The following CENPE variants were observed in gnomAD, a reference collection of about 807,000 sequenced individuals.
CENPE encodes the protein centromere-associated protein E.
Under a neutral mutation model 336.1 loss-of-function variants are expected in CENPE, and 145 were observed. The observed-to-expected ratio is 0.43, with a 90% confidence interval of 0.38 to 0.50. CENPE has a LOEUF of 0.50. Among genes scored for constraint, CENPE ranks in the 20% least tolerant of loss-of-function variants. CENPE has a pLI of 0.00. For missense variants in CENPE, 2,719 were observed against 3,023.3 expected, an observed-to-expected ratio of 0.90 and a Z score of 2.36; for synonymous variants, 1,013 against 984.8, an observed-to-expected ratio of 1.03 and a Z score of -0.54.
At chr4:103,135,548 C>T (rs1362194793) in intron 40 of CENPE, among the ~76,000 whole-genome samples, 2 of 151,996 alleles carry the variant, frequency 1.3e-5, no homozygotes, top group Non-Finnish European at 2.9e-5. Context: ...CTCGTTTGTC[C>T]TCTCCAGCCC....
At chr4:103,121,169 T>G (rs1442682439) in intron 43 of CENPE, among the ~76,000 whole-genome samples, 3 of 152,232 alleles carry the variant, frequency 2.0e-5, no homozygotes. Context: ...AGGTGTATCC[T>G]TCCAGAAATT....
rs1339175315 is a variant in CENPE at position 103,144,608 on chromosome 4, G to A, written c.4868C>T (p.Ser1623Phe). ...AAGAAACTGATATTCTTTTTCTTGA[G>A]ATTCTTTCATCTGAGAAAATTATAA... The part of the protein sequence containing the change: ...TKEIVAKMKE[S>F]QEKEYQFLKM... The change falls in exon 33 of 49, where the codon TCT becomes TTT. Residue 1623 changes from serine to phenylalanine, a missense_variant. This residue lies in a region of CENPE where 2,437 missense variants were observed against 2,513.3 expected (regional missense o/e 0.97). Coordinates refer to ENST00000265148, the MANE Select transcript of CENPE (RefSeq NM_001813.3). 6.2e-7 allele frequency: 1 copy of A among 1,601,716 alleles called. No individual in the cohort carries two copies. The highest frequency in any genetic ancestry group is 2.2e-5 in the East Asian group (1 of 44,790).
chr4:103,120,322 C>T lies in CENPE; in HGVS notation c.7155G>A (p.Glu2385=), dbSNP rs754847768. ...TAGCTTCATGCAGTGAATTTTCCAG[C>T]TCTCGAATTTTCTATTAGAAAAAGC... The part of the protein sequence containing the change: ...ATQLTTEKIR[E]LENSLHEAKE... The change falls in exon 44 of 49, where the codon GAG becomes GAA. Residue 2385 remains glutamate, a synonymous_variant. Transcript: ENST00000265148. 6.2e-7 allele frequency: 1 copy of T among 1,606,116 alleles called. No homozygotes were observed. Among genetic ancestry groups the T allele is most frequent in the African/African-American group, 1.3e-5 (1 of 74,388 alleles).
intron 48 of CENPE, 49 bp downstream of exon 48, chr4:103,108,754 G>T (rs1420790941): frequency 6.5e-7 from 1 of 1,534,222 alleles, no homozygotes; most frequent in Admixed American, 1.9e-5. Context: ...TTAATGATAA[G>T]TTCCAACTGT....
chr4:103,163,451 C>A (rs769680798), intron 17 of CENPE, 28 bp downstream of exon 17: 4 of 1,474,572 alleles, frequency 2.7e-6, no homozygotes, highest in Non-Finnish European at 1.9e-6. Context: ...AATTGCTTAT[C>A]AATAGAAATA....
intron 46 of CENPE, among the ~76,000 whole-genome samples, chr4:103,113,574 T>C (rs967898576): frequency 1.2e-4 from 17 of 142,400 alleles, no homozygotes; most frequent in African/African-American, 3.8e-4. Context: ...GTAATATATA[T>C]TTTATATTAC....
intron 29 of CENPE, 34 bp from the exon 30 acceptor site, chr4:103,146,141 C>G (rs1192818536): frequency 1.9e-6 from 3 of 1,579,730 alleles, no homozygotes; most frequent in Non-Finnish European, 2.6e-6. Context: ...CAGTTGATAT[C>G]CAGAGATATT....
intron 45 of CENPE, 141 bp from the exon 46 acceptor site, chr4:103,114,693 C>G: frequency 1.6e-6 from 1 of 619,256 alleles, no homozygotes. Context: ...CCTCGTGATA[C>G]CTCTCTGGTG....
In CENPE at chr4:103,139,815, C is replaced by T. The variant is rs1173439068; in HGVS notation, c.6178G>A (p.Ala2060Thr). The change falls in exon 38 of 49, where the codon GCA becomes ACA. Residue 2060 changes from alanine (A) to threonine (T), a missense_variant. Ala to Thr is a moderately conservative substitution (Grantham distance 58). Coordinates refer to ENST00000265148, the MANE Select transcript of CENPE (RefSeq NM_001813.3). ...SLKMERDQFI[A>T]TLREMIARDR... ...CTAGCTATCATTTCCCTTAAGGTTG[C>T]TATGAATTGGTCCCTTTCCATTTTG... is the stretch of plus-strand genomic sequence containing the variant. 1.2e-6 allele frequency: 2 copies of T among 1,610,690 alleles called. No homozygotes were observed. Among genetic ancestry groups the T allele is most frequent in the South Asian group, 2.2e-5 (2 of 90,312 alleles).
chr4:103,138,909 A>T (rs1265198921), intron 38 of CENPE, among the ~76,000 whole-genome samples: 1 of 152,104 alleles, frequency 6.6e-6, no homozygotes, highest in Non-Finnish European at 1.5e-5. Flanking sequence ...TCTGATTCCT[A>T]CTCTTCCAAA....
chr4:103,136,069 T>C, intron 40 of CENPE, 72 bp downstream of exon 40: 1 of 1,277,270 alleles, frequency 7.8e-7, no homozygotes, highest in African/African-American at 1.5e-5. Flanking sequence ...TGCCGGCACC[T>C]GAAGCAGGAC....
chr4:103,124,162 C>T (rs980946036), intron 42 of CENPE, among the ~76,000 whole-genome samples: 3 of 152,036 alleles, frequency 2.0e-5, no homozygotes, highest in Non-Finnish European at 4.4e-5. Flanking sequence ...GGCATCCCCT[C>T]GGGGGTGGGG....
chr4:103,151,486 A>C (rs891559274), intron 25 of CENPE, 109 bp from the exon 26 acceptor site: 7 of 799,038 alleles, frequency 8.8e-6, no homozygotes, highest in African/African-American at 1.8e-5. Flanking sequence ...ATCAGGGAAA[A>C]CTATATAGGA....
chr4:103,111,221 C>A (rs1213619739), intron 46 of CENPE, among the ~76,000 whole-genome samples: 1 of 152,174 alleles, frequency 6.6e-6, no homozygotes, highest in African/African-American at 2.4e-5. Context: ...GAATCCCCCT[C>A]AACCAATTCC....
chr4:103,197,385 G>A (rs1386352116), intron 1 of CENPE, among the ~76,000 whole-genome samples: 3 of 152,136 alleles, frequency 2.0e-5, no homozygotes, highest in African/African-American at 7.2e-5. Flanking sequence ...TTCACCCCAC[G>A]GGAAGCTTTC....
intron 36 of CENPE, 23 bp from the exon 37 acceptor site, chr4:103,140,437 G>C: frequency 6.7e-7 from 1 of 1,492,906 alleles, no homozygotes; most frequent in Non-Finnish European, 9.0e-7. Flanking sequence ...AAGAAATCAA[G>C]AAATGTAATG....
At chr4:103,181,735 G>A (rs930387302) in intron 11 of CENPE, 2 of 224,228 alleles carry the variant, frequency 8.9e-6, no homozygotes, top group South Asian at 7.2e-5. Context: ...CAGTGCTAAC[G>A]CCTCCTCTAC....
intron 33 of CENPE, 121 bp from the exon 34 acceptor site, chr4:103,143,527 C>T: frequency 1.5e-6 from 1 of 668,306 alleles, no homozygotes; most frequent in Admixed American, 2.8e-5. Context: ...AGTTCTCACC[C>T]TCTAAGCTAC....
In CENPE at chr4:103,196,054, C is replaced by G; in HGVS notation, c.239-16G>C. 1 of 1,598,856 alleles carries G rather than the reference C, an allele frequency of 6.3e-7. No individual in the cohort carries two copies. The highest frequency in any genetic ancestry group is 8.6e-7 in the Non-Finnish European group (1 of 1,166,228). On this transcript the variant is annotated splice_polypyrimidine_tract_variant and intron_variant, in intron 3 of 48. Transcript: ENST00000265148. ...AATATAGTACCTGCAAAAAACAAAA[C>G]ACACATACGCAAAGATTAAAAACAA...
Sources: allele counts gnomAD v4.1 joint callset (sites outside exome capture counted in the v4.1 genomes callset), GRCh38; gene constraint gnomAD v4.1.1; regional missense constraint gnomAD v4.1.1; transcripts MANE v1.5; gene names NCBI Gene and HGNC (gene_info 2026-07-23, HGNC 2026-07-21).